SAMD9: variants seen among roughly 807,000 people sequenced by gnomAD.
SAMD9 encodes the protein sterile alpha motif domain-containing protein 9.
In SAMD9, 3 loss-of-function variants were observed where a neutral mutation model predicts 1.5. The observed-to-expected ratio is 2.05, with a 90% CI of 0.93 to 5.29. The LOEUF (loss-of-function observed/expected upper bound fraction) is 5.29, where lower values mean the gene tolerates loss of function less well. Among genes scored for constraint, SAMD9 ranks in the 30% most tolerant of loss-of-function variants. The probability of loss-of-function intolerance (pLI) is 0.02; values close to 1 mark genes in which losing one functional copy is unlikely to be tolerated. For missense variants in SAMD9, 1,597 were observed against 1,820.8 expected, an observed-to-expected ratio of 0.88 and a Z score of 2.24; for synonymous variants, 635 against 631.9, an observed-to-expected ratio of 1.00 and a Z score of -0.07.
intron 2 of SAMD9, among the ~76,000 whole-genome samples, chr7:93,112,296 G>A (rs1046626233): frequency 1.3e-5 from 2 of 152,082 alleles, no homozygotes; most frequent in African/African-American, 4.8e-5. Context: ...GGTATTGATG[G>A]GACATATCTC....
chr7:93,111,015 A>G (rs1416993043), intron 2 of SAMD9, among the ~76,000 whole-genome samples: 2 of 152,226 alleles, frequency 1.3e-5, no homozygotes, highest in Admixed American at 1.3e-4. Context: ...TCTTCTCAGC[A>G]CCACATCGCA....
At chr7:93,111,656 A>C (rs142257026) in intron 2 of SAMD9, among the ~76,000 whole-genome samples, 3,032 of 152,332 alleles carry the variant, frequency 0.02, 40 homozygotes, top group East Asian at 0.078. Flanking sequence ...AATACAAACT[A>C]CCATCAGAGA....
chr7:93,102,297 G>T lies in SAMD9; in HGVS notation c.3801C>A (p.Ser1267=). The T allele has an allele frequency of 6.2e-7, 1 of 1,611,172 alleles. No homozygotes were observed. The highest frequency in any genetic ancestry group is 8.5e-7 in the Non-Finnish European group (1 of 1,177,910). ...CAAAGTATTCATCAAAAAAATCAAA[G>T]GACTTTTTCAAAGAAAATTTCAATT... ...LTKLKFSLKK[S]FDFFDEYFVL... is the part of the protein sequence containing the mutation. The change falls in exon 3 of 3, where the codon TCC becomes TCA. Residue 1267 remains serine, a synonymous_variant. Coordinates refer to ENST00000379958, the MANE Select transcript of SAMD9 (RefSeq NM_017654.4).
chr7:93,102,807 C>G lies in SAMD9; in HGVS notation c.3291G>C (p.Lys1097Asn). The change falls in exon 3 of 3, where the codon AAG becomes AAC. Residue 1097 changes from lysine (K) to asparagine (N), a missense_variant. By Grantham distance (94) the Lys-to-Asn change is moderately conservative. This residue lies in a region of SAMD9 where 682 missense variants were observed against 810.0 expected (regional missense o/e 0.84). Coordinates refer to ENST00000379958, the MANE Select transcript of SAMD9 (RefSeq NM_017654.4). ...CCCAGTTTAGAGCATTGCCAAAGTC[C>G]TTCTTTTTAATGTAGAAATGTCTTG... ...ALARHFYIKK[K>N]DFGNALNWAK... 1 of 1,613,760 alleles carries G rather than the reference C, an allele frequency of 6.2e-7. No individual in the cohort carries two copies. The highest frequency in any genetic ancestry group is 8.5e-7 in the Non-Finnish European group (1 of 1,179,726).
rs1468936694 is a variant in SAMD9, at chr7:93,103,929, A to G, written c.2169T>C (p.Asp723=). 2 of 1,613,718 alleles carry G rather than the reference A, an allele frequency of 1.2e-6. No individual in the cohort carries two copies. Among genetic ancestry groups the G allele is most frequent in the African/African-American group, 1.3e-5 (1 of 74,902 alleles). ...RLEAMIQNCA[D]SSKPTSTKII... Reference sequence around the variant, plus strand: ...TTTTGGTACTTGTTGGTTTAGAAGAATCTGCACAGTTTTGAATCATTGCTT... The same window carrying G: ...TTTTGGTACTTGTTGGTTTAGAAGAGTCTGCACAGTTTTGAATCATTGCTT... The change falls in exon 3 of 3, where the codon GAT becomes GAC. Residue 723 remains aspartate, a synonymous_variant. Coordinates refer to ENST00000379958, the MANE Select transcript of SAMD9 (RefSeq NM_017654.4).
At position 93,103,278 on chromosome 7, in the gene SAMD9, TTTTTCACACTG is replaced by T; in HGVS notation, c.2809_2819del (p.Gln937IlefsTer17). 1 of 1,613,724 alleles carries T rather than the reference TTTTTCACACTG, an allele frequency of 6.2e-7. No homozygotes were observed. Among genetic ancestry groups the T allele is most frequent in the Non-Finnish European group, 8.5e-7 (1 of 1,179,742 alleles). ...CCTTCTTGTTTCCAATTCCTAAGAA[TTTTTCACACTG>T]TGATAGTGAAATGGTGGTATCAGGC... On this transcript the variant is annotated frameshift_variant, in exon 3 of 3. Coordinates refer to ENST00000379958, the MANE Select transcript of SAMD9 (RefSeq NM_017654.4). LOFTEE classifies it low-confidence loss of function (END_TRUNC).
At chr7:93,117,754 T>G (rs1343157475) in intron 1 of SAMD9, 109 bp downstream of exon 1, 1 of 152,240 alleles carries the variant, frequency 6.6e-6, no homozygotes, top group Non-Finnish European at 1.5e-5. Flanking sequence ...TACTATTTTT[T>G]GTTTTGAGGT....
rs374488670 is a variant in SAMD9 at position 93,103,585 on chromosome 7, G to A, written c.2513C>T (p.Ser838Leu). 3.5e-5 allele frequency: 57 copies of A among 1,613,078 alleles called. No homozygotes were observed. Among genetic ancestry groups the A allele is most frequent in the South Asian group, 4.4e-5 (4 of 91,018 alleles). Residue 838 changes from serine to leucine, a missense_variant, in exon 3 of 3, where the codon TCA becomes TTA. Physicochemically the swap from Ser to Leu is moderately radical, Grantham distance 145 (BLOSUM62 -2). Transcript: ENST00000379958. Reference sequence around the variant, plus strand: ...CCTTGCACTTTTTTCAGGATTTTGTGATCTCATACAATTTAGGATAATCAC... The same window carrying A: ...CCTTGCACTTTTTTCAGGATTTTGTAATCTCATACAATTTAGGATAATCAC... The part of the protein sequence containing the change: ...PLVIILNCMR[S>L]QNPEKSARIP...
intron 2 of SAMD9, among the ~76,000 whole-genome samples, chr7:93,110,565 C>T (rs1791724116): frequency 6.6e-6 from 1 of 152,136 alleles, no homozygotes; most frequent in African/African-American, 2.4e-5. Flanking sequence ...AGACCCATCT[C>T]ATGTGCAGAG....
In SAMD9 at chr7:93,115,359, C is replaced by A. The variant is rs200056841; in HGVS notation, c.-109-464G>T. 1.6e-4 allele frequency among the ~76,000 whole-genome samples: 25 copies of A among 152,230 alleles called. No individual in the cohort carries two copies. In the East Asian group the frequency reaches 4.8e-3, roughly 29 times the overall value. On this transcript the variant is annotated intron_variant, in intron 1 of 2. Transcript: ENST00000379958. ...AATATATACCTACTCTTTGGATCTG[C>A]AATTCTCATGAAAATTATTAAAGTA...
Position 93,105,481 on chromosome 7 carries a change from G to A in SAMD9, c.617C>T (p.Ala206Val), listed in dbSNP as rs1211484084. The change falls in exon 3 of 3, where the codon GCC becomes GTC. Residue 206 changes from alanine to valine, a missense_variant. By Grantham distance (64) the Ala-to-Val change is moderately conservative. Coordinates refer to ENST00000379958, the MANE Select transcript of SAMD9 (RefSeq NM_017654.4). ...EFKAFTNTATATEEDVKMKFS... is the reference protein window; with the variant it reads ...EFKAFTNTATVTEEDVKMKFS... ...TTTCATCTTGACATCCTCTTCTGTG[G>A]CTGTTGCTGTATTTGTGAAGGCTTT... 1 of 1,613,928 alleles carries A rather than the reference G, an allele frequency of 6.2e-7. No individual in the cohort carries two copies. The highest frequency in any genetic ancestry group is 8.5e-7 in the Non-Finnish European group (1 of 1,179,992).
chr7:93,111,039 T>C (rs1240927458), intron 2 of SAMD9, among the ~76,000 whole-genome samples: 1 of 152,208 alleles, frequency 6.6e-6, no homozygotes, highest in African/African-American at 2.4e-5. Flanking sequence ...ATTTCAAAAT[T>C]GACCACATAG....
intron 2 of SAMD9, among the ~76,000 whole-genome samples, chr7:93,112,242 A>C (rs1247799892): frequency 6.6e-6 from 1 of 152,210 alleles, no homozygotes; most frequent in East Asian, 1.9e-4. Flanking sequence ...AATGCCTTTG[A>C]CAAAATTCCA....
At chr7:93,110,060 A>G (rs146383478) in intron 2 of SAMD9, among the ~76,000 whole-genome samples, 1 of 152,240 alleles carries the variant, frequency 6.6e-6, no homozygotes. Flanking sequence ...CCAGAAAGAA[A>G]GGTCCGGTTA....
Position 93,101,234 on chromosome 7 carries a change from ATCTATAACCTTGCCGG to A in SAMD9, c.*78_*93del. On this transcript the variant is annotated 3_prime_UTR_variant, in exon 3 of 3. Transcript: ENST00000379958. Reference sequence around the variant, plus strand: ...ACAGATCTGAAGAGCTAGAGGCTGTATCTATAACCTTGCCGGTTTAAAGCATAGATCTTGAGTCCAA... The same window carrying A: ...ACAGATCTGAAGAGCTAGAGGCTGTATTTAAAGCATAGATCTTGAGTCCAA... The A allele has an allele frequency of 1.1e-6, 1 of 916,608 alleles. No homozygotes were observed. The highest frequency in any genetic ancestry group is 1.8e-6 in the Non-Finnish European group (1 of 556,758). 56.8% of individuals were successfully genotyped at this position (916,608 alleles called of 1,614,324 possible).
chr7:93,111,792 G>T (rs1288693043), intron 2 of SAMD9, among the ~76,000 whole-genome samples: 1 of 152,104 alleles, frequency 6.6e-6, no homozygotes, highest in East Asian at 1.9e-4. Context: ...CCAATAACAG[G>T]TTCTGAAATT....
chr7:93,106,303 T>G (rs1043540087), intron 2 of SAMD9, among the ~76,000 whole-genome samples, 198 bp from the exon 3 acceptor site: 2 of 152,188 alleles, frequency 1.3e-5, no homozygotes, highest in African/African-American at 4.8e-5. Flanking sequence ...TACAAACACA[T>G]GAACACACTT....
chr7:93,116,721 G>A (rs1658438196), intron 1 of SAMD9, among the ~76,000 whole-genome samples: 1 of 152,122 alleles, frequency 6.6e-6, no homozygotes, highest in African/African-American at 2.4e-5. Flanking sequence ...CATGGGGAAG[G>A]CTAAATAAGG....
chr7:93,111,258 C>A (rs1181834487), intron 2 of SAMD9, among the ~76,000 whole-genome samples: 2 of 152,082 alleles, frequency 1.3e-5, no homozygotes, highest in African/African-American at 2.4e-5. Flanking sequence ...TTGAAACCAA[C>A]AAGAACAAAG....
Sources: gnomAD v4.1 joint callset for allele counts (sites outside exome capture counted in the v4.1 genomes callset) on GRCh38, gnomAD v4.1.1 for gene constraint, gnomAD v4.1.1 regional missense constraint, MANE v1.5 for transcripts, NCBI Gene and HGNC (gene_info 2026-07-23, HGNC 2026-07-21) for gene names.